SEPTIN6: variants seen among roughly 807,000 people sequenced by gnomAD.
SEPTIN6 encodes septin-6.
A neutral mutation model predicts 33.6 loss-of-function variants in SEPTIN6; 8 were observed. That is an observed-to-expected ratio of 0.24 (90% CI 0.14 to 0.43). The LOEUF (loss-of-function observed/expected upper bound fraction) is 0.43. SEPTIN6 is among the 20% of genes least tolerant of loss of function. SEPTIN6 has a pLI of 1.00. For synonymous variants in SEPTIN6, 131 were observed against 140.0 expected (o/e 0.94, Z 0.45); for missense variants, 250 against 340.8 (o/e 0.73, Z 2.10).
At chrX:119,645,379 C>G (rs1191114851) in intron 5 of SEPTIN6, among the ~76,000 whole-genome samples, 2 of 104,405 alleles carry the variant, frequency 1.9e-5, no homozygotes, top group Non-Finnish European at 3.9e-5. Flanking sequence ...GCTGAGACTA[C>G]AGGTGTGTGG....
At chrX:119,644,732 A>C (rs1447423327) in intron 5 of SEPTIN6, among the ~76,000 whole-genome samples, 6 of 108,577 alleles carry the variant, frequency 5.5e-5, no homozygotes, top group Non-Finnish European at 9.6e-5. Flanking sequence ...CTGTAATCCC[A>C]GCTACTCGGG....
chrX:119,618,659 G>T lies in SEPTIN6; in HGVS notation c.*1434C>A. The T allele has an allele frequency of 2.6e-6, 3 of 1,174,739 alleles. No individual in the cohort carries two copies. The highest frequency in any genetic ancestry group is 3.4e-6 in the Non-Finnish European group (3 of 876,313). On this transcript the variant is annotated 3_prime_UTR_variant, in exon 11 of 11. Coordinates refer to ENST00000394610, the MANE Select transcript of SEPTIN6 (RefSeq NM_145799.4). ...TTGAAGTACATGGCAGGATAGGGGT[G>T]GGGGGCCTCGCTGCCTGGCACCCCA...
chrX:119,619,306 T>C lies in SEPTIN6; in HGVS notation c.*787A>G. On this transcript the variant is annotated 3_prime_UTR_variant, in exon 11 of 11. Transcript: ENST00000394610. ...CAAGAAGAATTCGGTAAGGCTATCA[T>C]TCAAGACTCTAGGCTGGTAATAATA... 1.2e-6 allele frequency: 1 copy of C among 814,728 alleles called. No homozygotes were observed. Among genetic ancestry groups the C allele is most frequent in the African/African-American group, 2.1e-5 (1 of 46,630 alleles). The allele number at this position is 814,728 out of a possible 1,213,427, so 67.1% of individuals were successfully genotyped here.
At chrX:119,643,218 C>G (rs1044978330) in intron 5 of SEPTIN6, among the ~76,000 whole-genome samples, 1 of 110,122 alleles carries the variant, frequency 9.1e-6, no homozygotes, top group Non-Finnish European at 1.9e-5. Context: ...CCTGGAGAGA[C>G]CCCACAGCTT....
In SEPTIN6 at chrX:119,675,591, G is replaced by A. The variant is rs755749352; in HGVS notation, c.108C>T (p.Ser36=). 6.9e-6 allele frequency: 8 copies of A among 1,167,171 alleles called. No homozygotes were observed. Among genetic ancestry groups the A allele is most frequent in the Admixed American group, 2.4e-5 (1 of 42,080 alleles). Residue 36 remains serine (S), a synonymous_variant, in exon 2 of 11, where the codon TCC becomes TCT. Transcript: ENST00000394610. ...DSLPDQLVNK[S]VSQGFCFNIL... ...TGTTGAAGCAGAAGCCCTGGCTGAC[G>A]GACTTATTCACCAGCTGGTCAGGCA...
intron 3 of SEPTIN6, among the ~76,000 whole-genome samples, chrX:119,656,734 T>C (rs1248153844): frequency 9.3e-6 from 1 of 107,780 alleles, no homozygotes; most frequent in African/African-American, 3.4e-5. Context: ...AAAAATATAA[T>C]AATTAGCTGG....
intron 6 of SEPTIN6, among the ~76,000 whole-genome samples, chrX:119,637,900 C>T (rs1485836333): frequency 8.9e-6 from 1 of 112,371 alleles, no homozygotes; most frequent in East Asian, 2.8e-4. Context: ...AACCTAAGAA[C>T]TCCTGGGAAA....
intron 2 of SEPTIN6, among the ~76,000 whole-genome samples, chrX:119,666,174 T>G (rs1017997068): frequency 1.8e-5 from 2 of 111,494 alleles, no homozygotes; most frequent in Non-Finnish European, 1.9e-5. Context: ...CAAAGACTAC[T>G]CTCCCATTTA....
At chrX:119,682,003 C>T (rs1370755988) in intron 1 of SEPTIN6, among the ~76,000 whole-genome samples, 3 of 110,400 alleles carry the variant, frequency 2.7e-5, no homozygotes, top group Non-Finnish European at 5.7e-5. Context: ...TGCCACTGCA[C>T]TCCAGCCTGG....
At position 119,649,727 on chromosome X, in the gene SEPTIN6, C is replaced by T. The variant is rs2054321958; in HGVS notation, c.690+210G>A. Among the ~76,000 whole-genome samples, 4 of 108,829 alleles carry T rather than the reference C, an allele frequency of 3.7e-5. No homozygotes were observed. In the South Asian group the frequency reaches 1.6e-3, roughly 44 times the overall value. The allele number at this position is 108,829 out of a possible 115,157, so 94.5% of individuals were successfully genotyped here. On this transcript the variant is annotated intron_variant, in intron 5 of 10. Transcript: ENST00000394610. ...TCTCTACAAAACATTAAAACATTAG[C>T]CAGGTGTGGTGAGTGCACCTGTAAT... is the stretch of plus-strand genomic sequence containing the variant.
At chrX:119,654,441 G>C (rs748610897) in intron 3 of SEPTIN6, among the ~76,000 whole-genome samples, 1 of 111,686 alleles carries the variant, frequency 9.0e-6, no homozygotes, top group East Asian at 2.8e-4. Context: ...CAGGCTAGAA[G>C]AGGCTTGTCA....
intron 2 of SEPTIN6, among the ~76,000 whole-genome samples, chrX:119,668,669 G>C (rs1045371549): frequency 9.0e-6 from 1 of 111,176 alleles, no homozygotes; most frequent in African/African-American, 3.3e-5. Flanking sequence ...AAAATGTGGA[G>C]GGGCCGGGCG....
chrX:119,620,063 A>G lies in SEPTIN6; in HGVS notation c.*42-12T>C. The G allele has an allele frequency of 8.5e-7, 1 of 1,177,711 alleles. No homozygotes were observed. The highest frequency in any genetic ancestry group is 1.8e-5 in the South Asian group (1 of 55,525). On this transcript the variant is annotated splice_polypyrimidine_tract_variant and intron_variant, in intron 10 of 10. Transcript: ENST00000394610. ...ACAGGAAGCCCAAACTGAAAATGAA[A>G]AGAGAAGCTGAGTTAATGAATGGAT...
At chrX:119,661,862 T>C (rs903796016) in intron 3 of SEPTIN6, among the ~76,000 whole-genome samples, 7 of 112,226 alleles carry the variant, frequency 6.2e-5, no homozygotes, top group Non-Finnish European at 9.4e-5. Context: ...CTCAGCCACC[T>C]GACTAGCTGG....
At chrX:119,668,156 C>T (rs1402150137) in intron 2 of SEPTIN6, among the ~76,000 whole-genome samples, 1 of 109,855 alleles carries the variant, frequency 9.1e-6, no homozygotes, top group African/African-American at 3.3e-5. Context: ...ATTAGCCGTG[C>T]ATGGTGGCAG....
chrX:119,630,125 A>G (rs1273813150), intron 8 of SEPTIN6, among the ~76,000 whole-genome samples: 1 of 112,207 alleles, frequency 8.9e-6, no homozygotes, highest in Non-Finnish European at 1.9e-5. Context: ...GTCTCAAAAA[A>G]TAAAAAAAGA....
chrX:119,616,394 G>C, downstream of SEPTIN6: 1 of 404,342 alleles, frequency 2.5e-6, no homozygotes, highest in Non-Finnish European at 4.6e-6. Context: ...CCACAGCTGA[G>C]GTGTCCTGCC....
At chrX:119,688,808 A>G (rs2055105413) in intron 1 of SEPTIN6, among the ~76,000 whole-genome samples, 1 of 111,120 alleles carries the variant, frequency 9.0e-6, no homozygotes, top group South Asian at 3.8e-4. Context: ...CCTCAAATTT[A>G]GAATCAACAT....
At chrX:119,621,210 T>C (rs1392873922) in intron 10 of SEPTIN6, among the ~76,000 whole-genome samples, 1 of 109,832 alleles carries the variant, frequency 9.1e-6, no homozygotes, top group Non-Finnish European at 1.9e-5. Context: ...ATGGGGATGA[T>C]TGCAGAACTC....
Sources: allele counts gnomAD v4.1 joint callset (sites outside exome capture counted in the v4.1 genomes callset), GRCh38; gene constraint gnomAD v4.1.1; transcripts MANE v1.5; gene names NCBI Gene and HGNC (gene_info 2026-07-23, HGNC 2026-07-21).